NLRC4: variants seen among roughly 807,000 people sequenced by gnomAD.
NLRC4 encodes the protein NLR family CARD domain containing 4.
NLRC4 carries 63 observed loss-of-function variants against 79.9 expected under a neutral mutation model. That is an observed-to-expected ratio of 0.79 (90% CI 0.64 to 0.97). The LOEUF (loss-of-function observed/expected upper bound fraction) is 0.97, where lower values mean the gene tolerates loss of function less well. Among genes scored for constraint, NLRC4 ranks in the 50% least tolerant of loss-of-function variants. The pLI is 0.00. For missense variants in NLRC4, 1,074 were observed against 1,215.2 expected (o/e 0.88, Z 1.73); for synonymous variants, 461 against 456.5 (o/e 1.01, Z -0.12).
Position 32,231,018 on chromosome 2 carries a change from A to G in NLRC4, c.2782+4383T>C, listed in dbSNP as rs567619132. Reference sequence around the variant, plus strand: ...AGTTTTGGTTTACATTATTACCCTGATGGCTAATGATATTGATTATGTTTT... The same window carrying G: ...AGTTTTGGTTTACATTATTACCCTGGTGGCTAATGATATTGATTATGTTTT... On this transcript the variant is annotated intron_variant, in intron 8 of 8. Coordinates refer to ENST00000402280, the MANE Select transcript of NLRC4 (RefSeq NM_001199138.2). Among the ~76,000 whole-genome samples the G allele has an allele frequency of 3.3e-5, 5 of 152,320 alleles. No individual in the cohort carries two copies. In the East Asian group the frequency reaches 9.6e-4, roughly 29 times the overall value.
intron 2 of NLRC4, among the ~76,000 whole-genome samples, chr2:32,254,063 C>T (rs1264345188): frequency 6.6e-6 from 1 of 151,904 alleles, no homozygotes; most frequent in Non-Finnish European, 1.5e-5. Flanking sequence ...TTCACCAATC[C>T]CCAAGGTATA....
intron 8 of NLRC4, among the ~76,000 whole-genome samples, chr2:32,226,968 G>A (rs1043577698): frequency 1.6e-4 from 25 of 152,022 alleles, no homozygotes; most frequent in Middle Eastern, 6.8e-3. Context: ...GTTTTATTTC[G>A]GCATATGGCC....
chr2:32,262,998 A>T (rs535713468), intron 1 of NLRC4, among the ~76,000 whole-genome samples: 6 of 151,956 alleles, frequency 3.9e-5, no homozygotes, highest in African/African-American at 1.4e-4. Flanking sequence ...TTACAGGCAT[A>T]AGCCACCATG....
intron 5 of NLRC4, among the ~76,000 whole-genome samples, chr2:32,240,654 A>G (rs924920518): frequency 1.8e-4 from 27 of 152,300 alleles, no homozygotes; most frequent in African/African-American, 6.3e-4. Context: ...TATTTCATTT[A>G]TGAATTTTTT....
chr2:32,236,170 C>A, intron 7 of NLRC4, 77 bp downstream of exon 7: 1 of 886,702 alleles, frequency 1.1e-6, no homozygotes, highest in Non-Finnish European at 1.8e-6. Context: ...TAAAAGACCT[C>A]AGGACCCAGG....
At chr2:32,256,513 C>G (rs1687210849) in intron 2 of NLRC4, among the ~76,000 whole-genome samples, 1 of 152,156 alleles carries the variant, frequency 6.6e-6, no homozygotes, top group South Asian at 2.1e-4. Flanking sequence ...TCTCTGCTGT[C>G]TGGCTGAACA....
At chr2:32,240,969 C>T in intron 5 of NLRC4, 64 bp downstream of exon 5, 2 of 994,988 alleles carry the variant, frequency 2.0e-6, no homozygotes, top group Non-Finnish European at 3.2e-6. Context: ...AATGTCAGAG[C>T]CTGAAGTTAA....
chr2:32,238,759 A>G (rs370823289), intron 5 of NLRC4, among the ~76,000 whole-genome samples: 9 of 152,172 alleles, frequency 5.9e-5, no homozygotes, highest in Admixed American at 3.9e-4. Context: ...GCCTGGACTC[A>G]TGATATGGGG....
At chr2:32,230,826 A>G (rs1270664902) in intron 8 of NLRC4, among the ~76,000 whole-genome samples, 1 of 152,158 alleles carries the variant, frequency 6.6e-6, no homozygotes, top group Non-Finnish European at 1.5e-5. Flanking sequence ...TATGTTTAAC[A>G]TTTTGAACAA....
chr2:32,253,476 A>G (rs912352793), intron 2 of NLRC4, among the ~76,000 whole-genome samples: 1 of 152,058 alleles, frequency 6.6e-6, no homozygotes, highest in African/African-American at 2.4e-5. Flanking sequence ...CCCCAGAGTT[A>G]TTGATGAGCA....
chr2:32,232,137 A>T (rs1164028576), intron 8 of NLRC4, among the ~76,000 whole-genome samples: 2 of 152,202 alleles, frequency 1.3e-5, no homozygotes, highest in Non-Finnish European at 2.9e-5. Flanking sequence ...GTCATGTCAT[A>T]TCTAGGTACA....
In NLRC4 at chr2:32,241,128, G is replaced by C. The variant is rs1160110384; in HGVS notation, c.2258-3C>G. 2 of 1,574,830 alleles carry C rather than the reference G, an allele frequency of 1.3e-6. No individual in the cohort carries two copies. Among genetic ancestry groups the C allele is most frequent in the Non-Finnish European group, 1.7e-6 (2 of 1,149,724 alleles). The stretch of plus-strand genomic sequence containing the variant: ...ACCCAAGCTGTCAGTCAGACCACCT[G>C]TCAAAAGAAAAAAGATTGGACTCTT... On this transcript the variant is annotated splice_region_variant and splice_polypyrimidine_tract_variant and intron_variant, in intron 4 of 8. Transcript: ENST00000402280.
chr2:32,237,248 A>G (rs1440833924), intron 6 of NLRC4, among the ~76,000 whole-genome samples: 1 of 152,180 alleles, frequency 6.6e-6, no homozygotes, highest in Non-Finnish European at 1.5e-5. Context: ...TCTTGTTATA[A>G]TATTGGCTAT....
intron 2 of NLRC4, among the ~76,000 whole-genome samples, chr2:32,253,280 G>T (rs1054475520): frequency 1.3e-5 from 2 of 151,736 alleles, no homozygotes; most frequent in African/African-American, 2.4e-5. Flanking sequence ...CTCCTGAGTA[G>T]CTGGGATTAC....
chr2:32,228,118 T>A, intron 8 of NLRC4, among the ~76,000 whole-genome samples: 1 of 152,202 alleles, frequency 6.6e-6, no homozygotes, highest in East Asian at 1.9e-4. Flanking sequence ...ACAGACATGG[T>A]CCCTGTCTAA....
chr2:32,252,778 G>C, intron 2 of NLRC4, 99 bp from the exon 3 acceptor site: 1 of 977,434 alleles, frequency 1.0e-6, no homozygotes. Context: ...CAGCACTTTG[G>C]GAGGCCGAGG....
chr2:32,226,845 A>G (rs966038670), intron 8 of NLRC4, among the ~76,000 whole-genome samples: 2 of 151,630 alleles, frequency 1.3e-5, no homozygotes, highest in Non-Finnish European at 2.9e-5. Context: ...ACACCATTGC[A>G]CTCCAGCCTG....
In NLRC4 at chr2:32,241,137, A is replaced by G; in HGVS notation, c.2258-12T>C. Reference sequence around the variant, plus strand: ...GTCAGTCAGACCACCTGTCAAAAGAAAAAAGATTGGACTCTTTCAGCAGAT... The same window carrying G: ...GTCAGTCAGACCACCTGTCAAAAGAGAAAAGATTGGACTCTTTCAGCAGAT... On this transcript the variant is annotated splice_polypyrimidine_tract_variant and intron_variant, in intron 4 of 8. Transcript: ENST00000402280. 6.5e-7 allele frequency: 1 copy of G among 1,527,042 alleles called. No individual in the cohort carries two copies. The highest frequency in any genetic ancestry group is 9.0e-7 in the Non-Finnish European group (1 of 1,105,388). 94.6% of individuals were successfully genotyped at this position (1,527,042 alleles called of 1,614,324 possible). A position where few individuals can be genotyped will look rare whatever the true frequency, so the allele number is the denominator to read the frequency against.
Position 32,249,622 on chromosome 2 carries a change from T to C in NLRC4, c.2242A>G (p.Asn748Asp), listed in dbSNP as rs1308472858. ...TTTACAATACCCGGCAGCCGTTGAT[T>C]CTGTAGGTCATGAATACTCAAGGTT... ...LKTLSIHDLQ[N>D]QRLPGGLTDS... The change falls in exon 4 of 9, where the codon AAT becomes GAT. Residue 748 changes from asparagine (N) to aspartate (D), a missense_variant. Coordinates refer to ENST00000402280, the MANE Select transcript of NLRC4 (RefSeq NM_001199138.2). The C allele has an allele frequency of 6.3e-7, 1 of 1,594,620 alleles. No homozygotes were observed. Among genetic ancestry groups the C allele is most frequent in the East Asian group, 2.2e-5 (1 of 44,690 alleles).
Sources: gnomAD v4.1 joint callset for allele counts (sites outside exome capture counted in the v4.1 genomes callset) on GRCh38, gnomAD v4.1.1 for gene constraint, MANE v1.5 for transcripts, NCBI Gene and HGNC (gene_info 2026-07-23, HGNC 2026-07-21) for gene names.